NUCB1: variants seen among roughly 807,000 people sequenced by gnomAD.
The protein encoded by NUCB1 is nucleobindin-1.
A neutral mutation model predicts 61.2 loss-of-function variants in NUCB1; 47 were observed. The ratio of observed to expected loss-of-function variants is 0.77; its 90% CI spans 0.61 to 0.98. The LOEUF is 0.98. Ranked by LOEUF, NUCB1 falls within the 50% of genes least tolerant of loss-of-function variation. The probability of loss-of-function intolerance (pLI) is 0.00; values close to 1 mark genes in which losing one functional copy is unlikely to be tolerated. For synonymous variants in NUCB1, 234 were observed against 243.1 expected, an observed-to-expected ratio of 0.96 and a Z score of 0.35; for missense variants, 583 against 605.3, an observed-to-expected ratio of 0.96 and a Z score of 0.39.
At chr19:48,919,362 C>A (rs2037580410) in intron 10 of NUCB1, 76 bp downstream of exon 10, 4 of 1,126,228 alleles carry the variant, frequency 3.6e-6, no homozygotes, top group African/African-American at 1.5e-5. Context: ...GAATCTTAGG[C>A]CCCTTCTCTT....
chr19:48,905,150 G>C (rs1012212177), intron 3 of NUCB1, among the ~76,000 whole-genome samples: 2 of 152,198 alleles, frequency 1.3e-5, no homozygotes, highest in Non-Finnish European at 2.9e-5. Flanking sequence ...ATGTGTAAAG[G>C]GTTTGGAAGA....
intron 4 of NUCB1, among the ~76,000 whole-genome samples, chr19:48,908,722 GTGT>G (rs2037440285): frequency 1.2e-4 from 3 of 26,062 alleles, no homozygotes; most frequent in Non-Finnish European, 2.0e-4. Flanking sequence ...TGACCAAGGG[GTGT>G]GTGTGTGTGT....
At chr19:48,900,549 T>C in intron 1 of NUCB1, 177 bp downstream of exon 1, 1 of 559,114 alleles carries the variant, frequency 1.8e-6, no homozygotes. Flanking sequence ...GATCCCGGAT[T>C]CCTGAGTGTG....
intron 3 of NUCB1, among the ~76,000 whole-genome samples, chr19:48,905,135 G>A (rs2037398020): frequency 6.6e-6 from 1 of 152,198 alleles, no homozygotes; most frequent in East Asian, 1.9e-4. Flanking sequence ...ATTTTCCAAA[G>A]GAAGATGTGT....
chr19:48,911,380 A>T (rs1163753159), intron 5 of NUCB1, 128 bp downstream of exon 5: 8 of 563,424 alleles, frequency 1.4e-5, no homozygotes, highest in Non-Finnish European at 2.2e-5. Context: ...AGGCTGGTAG[A>T]GGGCTGAGTC....
At chr19:48,918,572 A>G (rs2287834) in intron 7 of NUCB1, 154 bp from the exon 8 acceptor site, 497,133 of 677,626 alleles carry the variant, frequency 0.73, 185,287 homozygotes, top group South Asian at 0.82. Flanking sequence ...CTAGTGGGGT[A>G]CTAAAGCCTG....
At chr19:48,918,012 G>A (rs2037560810) in intron 7 of NUCB1, among the ~76,000 whole-genome samples, 1 of 152,156 alleles carries the variant, frequency 6.6e-6, no homozygotes, top group Middle Eastern at 3.4e-3. Flanking sequence ...GTACTGGACA[G>A]CGCAGATCCA....
chr19:48,919,452 C>CCTAT (rs1555792215), intron 10 of NUCB1, among the ~76,000 whole-genome samples, 166 bp downstream of exon 10: 1 of 141,854 alleles, frequency 7.0e-6, no homozygotes, highest in South Asian at 2.2e-4. Flanking sequence ...CTCTAGGACT[C>CCTAT]TTATTTATTT....
chr19:48,915,659 C>G (rs2037531281), intron 7 of NUCB1, among the ~76,000 whole-genome samples: 1 of 152,064 alleles, frequency 6.6e-6, no homozygotes, highest in Non-Finnish European at 1.5e-5. Flanking sequence ...ACCACTATGC[C>G]TGGCTAATTT....
intron 10 of NUCB1, among the ~76,000 whole-genome samples, chr19:48,920,378 G>C (rs149212051): frequency 0.013 from 1,948 of 152,200 alleles, 43 homozygotes; most frequent in African/African-American, 0.044. Context: ...CCAGGCTGGA[G>C]TGCAGTGGTG....
Position 48,918,719 on chromosome 19 carries a change from C to A in NUCB1, c.758-7C>A. 1 of 1,612,376 alleles carries A rather than the reference C, an allele frequency of 6.2e-7. No individual in the cohort carries two copies. Among genetic ancestry groups the A allele is most frequent in the Non-Finnish European group, 8.5e-7 (1 of 1,178,350 alleles). ...CCTGAGATACCTTGCTATCCTCTTC[C>A]CTTCAGATATCAACAGTGATGGTGT... On this transcript the variant is annotated splice_region_variant and splice_polypyrimidine_tract_variant and intron_variant, in intron 7 of 12. Coordinates refer to ENST00000405315, the MANE Select transcript of NUCB1 (RefSeq NM_006184.6).
At position 48,921,257 on chromosome 19, in the gene NUCB1, G is replaced by A. The variant is rs2122212806; in HGVS notation, c.1106G>A (p.Ser369Asn). Residue 369 changes from serine to asparagine, a missense_variant, in exon 11 of 13, where the codon AGC (serine) becomes AAC (asparagine). Ser to Asn is a conservative substitution (Grantham distance 46). Coordinates refer to ENST00000405315, the MANE Select transcript of NUCB1 (RefSeq NM_006184.6). ...CTGAATGCCAAGGCCCAGCGCCTCAGCCAGGAGACAGAGGCTCTAGGGCGG... is the reference window on the plus strand; with the variant it reads ...CTGAATGCCAAGGCCCAGCGCCTCAACCAGGAGACAGAGGCTCTAGGGCGG... ...AELNAKAQRL[S>N]QETEALGRSQ... The A allele has an allele frequency of 6.2e-7, 1 of 1,609,680 alleles. No individual in the cohort carries two copies. The highest frequency in any genetic ancestry group is 2.2e-5 in the East Asian group (1 of 44,654).
chr19:48,917,003 T>TGAGACCAGGAGTTC (rs2037547690), intron 7 of NUCB1, among the ~76,000 whole-genome samples: 1 of 151,862 alleles, frequency 6.6e-6, no homozygotes, highest in Non-Finnish European at 1.5e-5. Context: ...CTGGATCCCT[T>TGAGACCAGGAGTTC]GAGACCAGGA....
At chr19:48,913,356 T>C in intron 6 of NUCB1, 118 bp from the exon 7 acceptor site, 3 of 1,223,100 alleles carry the variant, frequency 2.5e-6, no homozygotes, top group African/African-American at 3.0e-5. Flanking sequence ...GTTGTAGTTT[T>C]CTTAGTTTTC....
chr19:48,905,302 TA>T (rs910898883), intron 3 of NUCB1, among the ~76,000 whole-genome samples: 1 of 152,148 alleles, frequency 6.6e-6, no homozygotes, highest in African/African-American at 2.4e-5. Flanking sequence ...ATCAGGCCTC[TA>T]GGAGCACCAT....
chr19:48,916,171 C>T (rs75872162), intron 7 of NUCB1, among the ~76,000 whole-genome samples: 5,438 of 147,798 alleles, frequency 0.037, 136 homozygotes, highest in Non-Finnish European at 0.054. Flanking sequence ...TGGTATTTGT[C>T]GTGTGTGTGT....
chr19:48,913,348 T>C, intron 6 of NUCB1, 126 bp from the exon 7 acceptor site: 1 of 1,213,882 alleles, frequency 8.2e-7, no homozygotes, highest in Non-Finnish European at 1.2e-6. Flanking sequence ...TGCTGGGAGT[T>C]GTAGTTTTCT....
At chr19:48,913,679 C>T (rs746075) in intron 7 of NUCB1, 115 bp downstream of exon 7, 302,390 of 772,034 alleles carry the variant, frequency 0.39, 65,014 homozygotes, top group Non-Finnish European at 0.45. Flanking sequence ...GGCCCAAGAG[C>T]CAAGCCTATG....
chr19:48,908,976 C>G (rs1242110106), intron 4 of NUCB1, among the ~76,000 whole-genome samples: 4 of 152,048 alleles, frequency 2.6e-5, no homozygotes, highest in Non-Finnish European at 2.9e-5. Context: ...GGAGGCTGCA[C>G]TTGTTTGCTG....
Sources: allele counts gnomAD v4.1 joint callset (sites outside exome capture counted in the v4.1 genomes callset), GRCh38; gene constraint gnomAD v4.1.1; transcripts MANE v1.5; gene names NCBI Gene and HGNC (gene_info 2026-07-23, HGNC 2026-07-21).